CNTNAP3B: variants seen among roughly 807,000 people sequenced by gnomAD.
The protein encoded by CNTNAP3B is contactin-associated protein-like 3B.
Under a neutral mutation model 108.9 loss-of-function variants are expected in CNTNAP3B, and 25 were observed. The ratio of observed to expected loss-of-function variants is 0.23; its 90% CI spans 0.17 to 0.32. The LOEUF is 0.32. CNTNAP3B is among the 10% of genes least tolerant of loss of function. The pLI is 1.00. For synonymous variants in CNTNAP3B, 103 were observed against 473.4 expected (o/e 0.22, Z 10.16); for missense variants, 252 against 1,210.4 (o/e 0.21, Z 11.75).
At chr9:42,061,376 G>A in intron 3 of CNTNAP3B, among the ~76,000 whole-genome samples, 1 of 128,740 alleles carries the variant, frequency 7.8e-6, no homozygotes, top group Non-Finnish European at 1.6e-5. Flanking sequence ...GCAGTGCAGT[G>A]GCACGAGCTT....
intron 1 of CNTNAP3B, among the ~76,000 whole-genome samples, chr9:42,124,103 A>C (rs1295204310): frequency 2.2e-5 from 3 of 138,946 alleles, no homozygotes; most frequent in Non-Finnish European, 4.6e-5. Flanking sequence ...CTGCCTAATT[A>C]AGTAGGCATG....
At chr9:42,053,806 G>T (rs1040132130) in intron 3 of CNTNAP3B, among the ~76,000 whole-genome samples, 1 of 143,810 alleles carries the variant, frequency 7.0e-6, no homozygotes, top group African/African-American at 2.7e-5. Flanking sequence ...AAGAAAGCCG[G>T]ATTAAAGTCG....
chr9:42,109,543 G>C (rs1188501002), intron 1 of CNTNAP3B, among the ~76,000 whole-genome samples: 2 of 146,096 alleles, frequency 1.4e-5, no homozygotes, highest in Non-Finnish European at 3.0e-5. Context: ...TGATCCTTTG[G>C]GGAGGAGCTT....
At position 41,929,336 on chromosome 9, in the gene CNTNAP3B, T is replaced by C. The variant is rs1451167130; in HGVS notation, c.2346A>G (p.Pro782=). 2 of 1,542,912 alleles carry C rather than the reference T, an allele frequency of 1.3e-6. No individual in the cohort carries two copies. The highest frequency in any genetic ancestry group is 3.1e-5 in the African/African-American group (2 of 64,506). ...PHSEADYTLG[P]LLCRGDKSFW... is the part of the protein sequence containing the mutation. ...ACTTACTATCTCCGCGGCAGAGCAGTGGCCCCAGTGTATAATCTGCTTCGG... is the reference window on the plus strand; with the variant it reads ...ACTTACTATCTCCGCGGCAGAGCAGCGGCCCCAGTGTATAATCTGCTTCGG... Residue 782 remains proline, a synonymous_variant, in exon 15 of 24, where the codon CCA becomes CCG. Coordinates refer to ENST00000377561, the MANE Select transcript of CNTNAP3B (RefSeq NM_001201380.3).
At position 42,117,356 on chromosome 9, in the gene CNTNAP3B, T is replaced by A. The variant is rs879482800; in HGVS notation, c.85+11654A>T. ...GACCACAGTGCAATCAAACTAGAAC[T>A]CAGGATTAAGAAACTCACTCAAAAC... is the stretch of plus-strand genomic sequence containing the variant. On this transcript the variant is annotated intron_variant, in intron 1 of 23. Transcript: ENST00000377561. 4.4e-3 allele frequency among the ~76,000 whole-genome samples: 578 copies of A among 132,412 alleles called. 9 individuals are homozygous for A. Among genetic ancestry groups the A allele is most frequent in the Non-Finnish European group, 6.5e-3 (411 of 63,138 alleles). The allele number at this position is 132,412 out of a possible 152,430, so 86.9% of individuals were successfully genotyped here. A position where few individuals can be genotyped will look rare whatever the true frequency, so the allele number is the denominator to read the frequency against.
intron 12 of CNTNAP3B, among the ~76,000 whole-genome samples, chr9:41,955,594 C>G (rs1212798217): frequency 2.0e-5 from 3 of 152,156 alleles, no homozygotes; most frequent in Admixed American, 2.0e-4. Flanking sequence ...GCAGTGGCAC[C>G]TTCATAGTTT....
chr9:42,116,029 C>T lies in CNTNAP3B; in HGVS notation c.86-11290G>A, dbSNP rs1254638607. Among the ~76,000 whole-genome samples, 5 of 139,344 alleles carry T rather than the reference C, an allele frequency of 3.6e-5. 2 individuals are homozygous for T. The East Asian group carries it at 1.1e-3, about 30-fold the overall frequency. The allele number at this position is 139,344 out of a possible 152,430, so 91.4% of individuals were successfully genotyped here. ...ACAGCGTAGAGAAGACCTTAAATGA[C>T]CAGATGGAGCTGAAAACCATGGCAC... On this transcript the variant is annotated intron_variant, in intron 1 of 23. Coordinates refer to ENST00000377561, the MANE Select transcript of CNTNAP3B (RefSeq NM_001201380.3).
At position 42,071,242 on chromosome 9, in the gene CNTNAP3B, G is replaced by T. The variant is rs1413900623; in HGVS notation, c.390+5627C>A. On this transcript the variant is annotated intron_variant, in intron 3 of 23. Transcript: ENST00000377561. Reference sequence around the variant, plus strand: ...GTGGGAGCTGTGTACGTGCGTGTCTGCGTGTGTGTGTTCTATGCACATTAG... The same window carrying T: ...GTGGGAGCTGTGTACGTGCGTGTCTTCGTGTGTGTGTTCTATGCACATTAG... Among the ~76,000 whole-genome samples, 13 of 146,704 alleles carry T rather than the reference G, an allele frequency of 8.9e-5. 2 individuals are homozygous for T. The highest frequency in any genetic ancestry group is 3.4e-4 in the African/African-American group (13 of 38,132).
chr9:41,935,534 A>G (rs1411805227), intron 14 of CNTNAP3B, among the ~76,000 whole-genome samples: 1 of 152,296 alleles, frequency 6.6e-6, no homozygotes, highest in Non-Finnish European at 1.5e-5. Flanking sequence ...TTTTCATTTC[A>G]TGAGACTGGT....
chr9:41,929,929 G>A (rs1379716616), intron 14 of CNTNAP3B, among the ~76,000 whole-genome samples: 1 of 152,094 alleles, frequency 6.6e-6, no homozygotes, highest in African/African-American at 2.4e-5. Flanking sequence ...GCCAATTCCT[G>A]ATCTAAATGA....
intron 13 of CNTNAP3B, among the ~76,000 whole-genome samples, chr9:41,950,996 C>T (rs1401830249): frequency 6.0e-5 from 7 of 116,778 alleles, no homozygotes; most frequent in African/African-American, 9.5e-5. Flanking sequence ...CCTCGTGATC[C>T]GCCCGCCTCG....
intron 3 of CNTNAP3B, among the ~76,000 whole-genome samples, chr9:42,030,807 G>C (rs375533967): frequency 0.03 from 1,888 of 62,518 alleles, 215 homozygotes; most frequent in African/African-American, 0.054. Flanking sequence ...GAGAGAGAGA[G>C]AGAGAGGAGA....
intron 2 of CNTNAP3B, among the ~76,000 whole-genome samples, chr9:42,079,442 C>T (rs1827565804): frequency 8.4e-6 from 1 of 118,734 alleles, no homozygotes; most frequent in South Asian, 2.8e-4. Context: ...ACCAATGGTC[C>T]TAGGTACAAC....
chr9:41,919,877 G>A (rs1419639773), intron 18 of CNTNAP3B, among the ~76,000 whole-genome samples, 193 bp downstream of exon 18: 3 of 152,266 alleles, frequency 2.0e-5, no homozygotes, highest in South Asian at 2.1e-4. Context: ...AACCCAGAGA[G>A]GACTGATAGC....
intron 12 of CNTNAP3B, among the ~76,000 whole-genome samples, chr9:41,955,296 T>C (rs1824820547): frequency 6.6e-6 from 1 of 150,926 alleles, no homozygotes; most frequent in South Asian, 2.1e-4. Flanking sequence ...AATACATCTG[T>C]AAAACTTGTT....
rs1181752725 is a variant in CNTNAP3B at position 42,129,419 on chromosome 9, C to T, written c.-325G>A. ...AGGCGCGGGAGGCGGCCGGCACCAA[C>T]GCGAGTCAAGAAGCGAGCGGGAGGG... On this transcript the variant is annotated 5_prime_UTR_variant, in exon 1 of 24. Transcript: ENST00000377561. 4 of 308,430 alleles carry T rather than the reference C, an allele frequency of 1.3e-5. No homozygotes were observed. The highest frequency in any genetic ancestry group is 1.3e-4 in the South Asian group (1 of 7,586). The allele number at this position is 308,430 out of a possible 1,614,324, so 19.1% of individuals were successfully genotyped here.
chr9:42,014,790 CAA>C (rs1223418860), intron 3 of CNTNAP3B, among the ~76,000 whole-genome samples: 12 of 22,690 alleles, frequency 5.3e-4, no homozygotes, highest in South Asian at 1.7e-3. Context: ...GACTCCGTCA[CAA>C]AAAAAAAAAA....
At position 41,953,280 on chromosome 9, in the gene CNTNAP3B, C is replaced by G. The variant is rs777078123; in HGVS notation, c.1983G>C (p.Ala661=). ...PLSAVSFAYA[A]GAGQLRAAVN... is the part of the protein sequence containing the mutation. ...CCGCGGCCCGCAGCTGCCCCGCGCC[C>G]GCTGCGTACGCGAAGGACACAGCCG... The change falls in exon 13 of 24, where the codon GCG becomes GCC. Residue 661 remains alanine, a synonymous_variant. Coordinates refer to ENST00000377561, the MANE Select transcript of CNTNAP3B (RefSeq NM_001201380.3). 3.3e-6 allele frequency: 5 copies of G among 1,528,160 alleles called. No homozygotes were observed. The highest frequency in any genetic ancestry group is 4.9e-5 in the East Asian group (2 of 40,472). The allele number at this position is 1,528,160 out of a possible 1,614,324, so 94.7% of individuals were successfully genotyped here. A position where few individuals can be genotyped will look rare whatever the true frequency, so the allele number is the denominator to read the frequency against.
At chr9:41,924,934 G>T (rs1205452881) in intron 15 of CNTNAP3B, among the ~76,000 whole-genome samples, 2 of 152,118 alleles carry the variant, frequency 1.3e-5, no homozygotes. Flanking sequence ...CTCATGATTG[G>T]ATTCATGTTG....
Sources: gnomAD v4.1 joint callset for allele counts (sites outside exome capture counted in the v4.1 genomes callset) on GRCh38, gnomAD v4.1.1 for gene constraint, MANE v1.5 for transcripts, NCBI Gene and HGNC (gene_info 2026-07-23, HGNC 2026-07-21) for gene names.